MAGI1: variants seen among roughly 807,000 people sequenced by gnomAD.
MAGI1 encodes the protein membrane-associated guanylate kinase, WW and PDZ domain-containing protein 1.
Under a neutral mutation model 139.9 loss-of-function variants are expected in MAGI1, and 58 were observed. The ratio of observed to expected loss-of-function variants is 0.41; its 90% confidence interval spans 0.34 to 0.52. The LOEUF is 0.52. Among genes scored for constraint, MAGI1 ranks in the 20% least tolerant of loss-of-function variants. MAGI1 has a pLI of 0.12. For missense variants in MAGI1, 1,874 were observed against 1,901.6 expected (o/e 0.99, Z 0.27); for synonymous variants, 812 against 737.9 (o/e 1.10, Z -1.63).
At chr3:65,719,974 C>T (rs944666995) in intron 1 of MAGI1, 2 of 152,196 alleles carry the variant, frequency 1.3e-5, no homozygotes, top group African/African-American at 4.8e-5. Context: ...TCCTTAAGAG[C>T]TCTTACCCTG....
chr3:65,619,369 T>C (rs2083549708), intron 2 of MAGI1, among the ~76,000 whole-genome samples: 1 of 152,170 alleles, frequency 6.6e-6, no homozygotes, highest in Non-Finnish European at 1.5e-5. Flanking sequence ...ATTATGGCAA[T>C]GCTAAAAATA....
At chr3:65,895,107 T>A (rs2060918050) in intron 1 of MAGI1, among the ~76,000 whole-genome samples, 1 of 152,234 alleles carries the variant, frequency 6.6e-6, no homozygotes. Flanking sequence ...CTTGGCAATA[T>A]GTGCATGGTT....
At chr3:65,520,947 TCAGTGG>T (rs1434349475) in intron 2 of MAGI1, among the ~76,000 whole-genome samples, 3 of 152,166 alleles carry the variant, frequency 2.0e-5, no homozygotes, top group Non-Finnish European at 4.4e-5. Context: ...ATTAGCCAAT[TCAGTGG>T]AGGGCAAACT....
intron 1 of MAGI1, among the ~76,000 whole-genome samples, chr3:65,958,806 G>A (rs2064261318): frequency 6.6e-6 from 1 of 152,088 alleles, no homozygotes; most frequent in Non-Finnish European, 1.5e-5. Flanking sequence ...AGCCAACATG[G>A]TGAAACCCTG....
At chr3:65,750,275 T>C (rs926596452) in intron 1 of MAGI1, among the ~76,000 whole-genome samples, 6 of 152,066 alleles carry the variant, frequency 3.9e-5, no homozygotes, top group Admixed American at 6.5e-5. Flanking sequence ...GAGTTACATA[T>C]GTGATGAGGA....
chr3:65,360,099 C>T (rs933018731), intron 22 of MAGI1: 27 of 985,218 alleles, frequency 2.7e-5, no homozygotes, highest in African/African-American at 2.3e-4. Flanking sequence ...GTACAAATGT[C>T]GAACACCTGG....
chr3:65,956,792 G>T (rs539856018), intron 1 of MAGI1, among the ~76,000 whole-genome samples: 32 of 152,166 alleles, frequency 2.1e-4, no homozygotes, highest in African/African-American at 7.5e-4. Context: ...GAGGTCAGAA[G>T]TTCAAGAACA....
At chr3:65,359,234 C>A in intron 22 of MAGI1, 1 of 1,572,600 alleles carries the variant, frequency 6.4e-7, no homozygotes, top group South Asian at 1.1e-5. Flanking sequence ...CATTTAGATT[C>A]CCTATAACAC....
intron 1 of MAGI1, among the ~76,000 whole-genome samples, chr3:65,945,839 T>A (rs1370338352): frequency 1.3e-5 from 2 of 152,258 alleles, no homozygotes; most frequent in Non-Finnish European, 2.9e-5. Flanking sequence ...TTAAATTTAA[T>A]TTGGCTGAAG....
chr3:65,977,432 C>T lies in MAGI1; in HGVS notation c.313+60564G>A, dbSNP rs1022013341. Among the ~76,000 whole-genome samples, 7 of 152,130 alleles carry T rather than the reference C, an allele frequency of 4.6e-5. No individual in the cohort carries two copies. In the East Asian group the frequency reaches 7.7e-4, roughly 17 times the overall value. On this transcript the variant is annotated intron_variant, in intron 1 of 22. Coordinates refer to ENST00000402939, the MANE Select transcript of MAGI1 (RefSeq NM_001033057.2). ...CCTTATAATAAAATCAAAACTCGGCCGGGCGCGGTGGTTCATGCCTGTAAT... is the reference window on the plus strand; with the variant it reads ...CCTTATAATAAAATCAAAACTCGGCTGGGCGCGGTGGTTCATGCCTGTAAT...
intron 22 of MAGI1, chr3:65,360,857 A>G: frequency 8.6e-7 from 1 of 1,162,648 alleles, no homozygotes; most frequent in South Asian, 3.4e-5. Context: ...AAAGGAGTAT[A>G]TAGTCATTTT....
chr3:65,826,277 T>G (rs914563754), intron 1 of MAGI1, among the ~76,000 whole-genome samples: 2 of 152,194 alleles, frequency 1.3e-5, no homozygotes, highest in Non-Finnish European at 2.9e-5. Flanking sequence ...GAGATCATAC[T>G]AAAACTTAAA....
At chr3:65,578,187 T>C (rs2081261324) in intron 2 of MAGI1, among the ~76,000 whole-genome samples, 1 of 152,172 alleles carries the variant, frequency 6.6e-6, no homozygotes, top group Non-Finnish European at 1.5e-5. Flanking sequence ...TTGCTTTCCC[T>C]AAGCACCCAT....
intron 2 of MAGI1, among the ~76,000 whole-genome samples, chr3:65,613,853 A>T (rs1037349842): frequency 1.2e-4 from 19 of 152,168 alleles, no homozygotes; most frequent in Non-Finnish European, 2.1e-4. Flanking sequence ...GAAAAAAAAG[A>T]ATCTTCATAT....
At chr3:65,522,887 G>A (rs905048168) in intron 2 of MAGI1, among the ~76,000 whole-genome samples, 1 of 152,096 alleles carries the variant, frequency 6.6e-6, no homozygotes, top group Non-Finnish European at 1.5e-5. Flanking sequence ...CTGCAGTAGG[G>A]GTGGGAAGAC....
intron 1 of MAGI1, among the ~76,000 whole-genome samples, chr3:65,653,796 C>G (rs557314461): frequency 7.2e-5 from 11 of 152,292 alleles, no homozygotes; most frequent in Admixed American, 5.9e-4. Flanking sequence ...AAATTTCACT[C>G]TCTCTTTCTT....
intron 1 of MAGI1, among the ~76,000 whole-genome samples, chr3:65,766,972 G>C (rs182403021): frequency 1.4e-3 from 215 of 152,260 alleles, no homozygotes; most frequent in Non-Finnish European, 2.5e-3. Context: ...GAATTTGGTT[G>C]GTAACAAACT....
intron 1 of MAGI1, among the ~76,000 whole-genome samples, chr3:65,652,885 A>ATTATGG (rs2085664242): frequency 6.6e-6 from 1 of 152,172 alleles, no homozygotes; most frequent in Non-Finnish European, 1.5e-5. Context: ...TACCTGAGAA[A>ATTATGG]GCCATGATGC....
intron 1 of MAGI1, among the ~76,000 whole-genome samples, chr3:65,840,901 T>C (rs2058781621): frequency 6.6e-6 from 1 of 152,236 alleles, no homozygotes; most frequent in Admixed American, 6.5e-5. Context: ...CAATTCTTCA[T>C]TGAAATCATT....
Sources: allele counts gnomAD v4.1 joint callset (sites outside exome capture counted in the v4.1 genomes callset), GRCh38; gene constraint gnomAD v4.1.1; transcripts MANE v1.5; gene names NCBI Gene and HGNC (gene_info 2026-07-23, HGNC 2026-07-21).